The following PLAGL1 variants were observed in gnomAD, a reference collection of about 807,000 sequenced individuals.
PLAGL1 encodes the protein PLAG1 like zinc finger 1.
Under a neutral mutation model 4.6 loss-of-function variants are expected in PLAGL1, and 1 was observed. The ratio of observed to expected loss-of-function variants is 0.22; its 90% CI spans 0.08 to 1.03. The LOEUF is 1.03. Among genes scored for constraint, PLAGL1 ranks in the 50% least tolerant of loss-of-function variants. The pLI is 0.58. For missense variants in PLAGL1, 464 were observed against 570.4 expected, an observed-to-expected ratio of 0.81 and a Z score of 1.90; for synonymous variants, 240 against 237.8, an observed-to-expected ratio of 1.01 and a Z score of -0.08.
At position 143,982,149 on chromosome 6, in the gene PLAGL1, C is replaced by T. The variant is rs1788095747; in HGVS notation, c.-544+2986G>A. 6.6e-6 allele frequency among the ~76,000 whole-genome samples: 1 copy of T among 151,630 alleles called. No homozygotes were observed. On this transcript the variant is annotated intron_variant, in intron 2 of 7. Transcript: ENST00000674357. This position sits in a 1 kb window ranked among gnomAD's most constrained non-coding sequence, Gnocchi z 5.3. ...AACAAAGCTCAAGTAAAATATGTAT[C>T]AGATGGTGATTTTAAAAAAAAAAGT...
At chr6:143,988,912 T>C (rs1224660528) in intron 1 of PLAGL1, among the ~76,000 whole-genome samples, 1 of 152,208 alleles carries the variant, frequency 6.6e-6, no homozygotes, top group African/African-American at 2.4e-5. Context: ...GATTAGGGTT[T>C]CAACACATGG....
intron 1 of PLAGL1, among the ~76,000 whole-genome samples, chr6:144,018,735 A>C (rs1034787646): frequency 6.6e-6 from 1 of 152,250 alleles, no homozygotes; most frequent in East Asian, 1.9e-4. Flanking sequence ...AAAAGTTAAT[A>C]TCACCAGTAA....
Position 143,942,562 on chromosome 6 carries a change from T to G in PLAGL1, c.254A>C (p.Asp85Ala). The G allele has an allele frequency of 6.2e-7, 1 of 1,614,074 alleles. No individual in the cohort carries two copies. The highest frequency in any genetic ancestry group is 8.5e-7 in the Non-Finnish European group (1 of 1,180,008). The change falls in exon 8 of 8, where the codon GAC (aspartate) becomes GCC (alanine). Residue 85 changes from aspartate (D) to alanine (A), a missense_variant. Asp to Ala is a moderately radical substitution (Grantham distance 126). Transcript: ENST00000674357. The surrounding 1 kb of genome is among the most constrained non-coding windows in gnomAD (Gnocchi z 7.6). Reference protein sequence around the residue: ...DHLKNHLQTHDPNKMAFGCEE... With the variant: ...DHLKNHLQTHAPNKMAFGCEE... Reference sequence around the variant, plus strand: ...ACACCCAAAGGCCATTTTGTTGGGGTCGTGGGTCTGGAGGTGGTTTTTCAG... The same window carrying G: ...ACACCCAAAGGCCATTTTGTTGGGGGCGTGGGTCTGGAGGTGGTTTTTCAG...
Position 143,989,463 on chromosome 6 carries a change from G to A in PLAGL1, c.-583-4289C>T, listed in dbSNP as rs1433347396. On this transcript the variant is annotated intron_variant, in intron 1 of 7. Transcript: ENST00000674357. This position sits in a 1 kb window ranked among gnomAD's most constrained non-coding sequence, Gnocchi z 4.8. ...GAGGGCCCGAATAGAACAAAAAGGT[G>A]GAAGGAGGAGGAATTCACCCCCTTT... is the stretch of plus-strand genomic sequence containing the variant. 1.3e-5 allele frequency among the ~76,000 whole-genome samples: 2 copies of A among 152,150 alleles called. No homozygotes were observed. The highest frequency in any genetic ancestry group is 1.3e-4 in the Admixed American group (2 of 15,270).
intron 1 of PLAGL1, among the ~76,000 whole-genome samples, chr6:144,014,537 A>G (rs1354873670): frequency 2.6e-5 from 4 of 152,150 alleles, no homozygotes; most frequent in African/African-American, 7.2e-5. Flanking sequence ...ACAATAGTGT[A>G]TTGAGTCCAG....
intron 1 of PLAGL1, among the ~76,000 whole-genome samples, chr6:144,014,114 A>C: frequency 6.6e-6 from 1 of 152,166 alleles, no homozygotes; most frequent in East Asian, 1.9e-4. Flanking sequence ...TTTTACGCCT[A>C]CTATAAGGCT....
At chr6:144,001,411 A>C (rs1274436978) in intron 1 of PLAGL1, among the ~76,000 whole-genome samples, 1 of 152,184 alleles carries the variant, frequency 6.6e-6, no homozygotes, top group African/African-American at 2.4e-5. Context: ...TCTATTAATA[A>C]ATGTAGAAAG....
At chr6:143,951,524 AAAAT>A (rs1257434626) in intron 6 of PLAGL1, among the ~76,000 whole-genome samples, 7 of 152,256 alleles carry the variant, frequency 4.6e-5, no homozygotes, top group African/African-American at 1.7e-4. Flanking sequence ...TACAAAGAAA[AAAAT>A]AAAGCTTATT....
In PLAGL1 at chr6:143,963,888, T is replaced by G. The variant is rs1783893100; in HGVS notation, c.-399+899A>C. The stretch of plus-strand genomic sequence containing the variant: ...ATTCCCAATGATTCTCCTTTCTAGC[T>G]CATTTAAAACAGGTGGCAGGCTTTG... On this transcript the variant is annotated intron_variant, in intron 5 of 7. Coordinates refer to ENST00000674357, the MANE Select transcript of PLAGL1 (RefSeq NM_001317162.2). This position sits in a 1 kb window ranked among gnomAD's most constrained non-coding sequence, Gnocchi z 6.1. Among the ~76,000 whole-genome samples, 1 of 152,206 alleles carries G rather than the reference T, an allele frequency of 6.6e-6. No individual in the cohort carries two copies. The highest frequency in any genetic ancestry group is 1.5e-5 in the Non-Finnish European group (1 of 68,040).
At position 143,941,539 on chromosome 6, in the gene PLAGL1, G is replaced by A; in HGVS notation, c.1277C>T (p.Pro426Leu). The A allele has an allele frequency of 6.4e-7, 1 of 1,564,148 alleles. No homozygotes were observed. The change falls in exon 8 of 8, where the codon CCA (proline) becomes CTA (leucine). Residue 426 changes from proline (P) to leucine (L), a missense_variant. This residue lies in a region of PLAGL1 where 248 missense variants were observed against 250.1 expected (regional missense o/e 0.99). Coordinates refer to ENST00000674357, the MANE Select transcript of PLAGL1 (RefSeq NM_001317162.2). This position sits in a 1 kb window ranked among gnomAD's most constrained non-coding sequence, Gnocchi z 6.0. ...SCLGQQQQEP[P>L]LAMGTVSLGQ... ...CAGGCTCACAGTGCCCATGGCAAGT[G>A]GGGGTTCTTGCTGCTGCTGCCCCAG...
rs1788511714 is a variant in PLAGL1 at position 143,984,039 on chromosome 6, T to G, written c.-544+1096A>C. ...TGAATCTTCAAGGAATAAGGAACAA[T>G]GATGTATTTTTACTTTCCAGATTTT... On this transcript the variant is annotated intron_variant, in intron 2 of 7. Transcript: ENST00000674357. This position sits in a 1 kb window ranked among gnomAD's most constrained non-coding sequence, Gnocchi z 5.5. 1.3e-5 allele frequency among the ~76,000 whole-genome samples: 2 copies of G among 152,102 alleles called. No homozygotes were observed. Among genetic ancestry groups the G allele is most frequent in the Admixed American group, 6.6e-5 (1 of 15,256 alleles).
intron 3 of PLAGL1, chr6:143,967,326 G>A (rs1784598338): frequency 6.6e-6 from 1 of 152,078 alleles, no homozygotes; most frequent in South Asian, 2.1e-4. Context: ...TTACACGATG[G>A]GTAAGCTCAC....
chr6:144,030,254 CAAAAAAAAAAAAAAAAAA>C (rs66563676), intron 1 of PLAGL1, among the ~76,000 whole-genome samples: 1 of 44,560 alleles, frequency 2.2e-5, no homozygotes, highest in African/African-American at 8.0e-5. Context: ...GACTCCGTCT[CAAAAAAAAAAAAAAAAAA>C]AAAAAAAAAA....
Position 144,007,619 on chromosome 6 carries a change from T to C in PLAGL1, c.-584+471A>G, listed in dbSNP as rs966029932. 4.6e-5 allele frequency: 7 copies of C among 152,368 alleles called. No homozygotes were observed. The South Asian group carries it at 1.4e-3, about 32-fold the overall frequency. 9.4% of individuals were successfully genotyped at this position (152,368 alleles called of 1,614,324 possible). On this transcript the variant is annotated intron_variant, in intron 1 of 7. Transcript: ENST00000674357. ...GGAAATTTTTAGGACCCCACGTTTTTAAATACTTTTAAGAGTATGTCTGAT... is the reference window on the plus strand; with the variant it reads ...GGAAATTTTTAGGACCCCACGTTTTCAAATACTTTTAAGAGTATGTCTGAT...
rs1028781126 is a variant in PLAGL1 at position 144,036,053 on chromosome 6, G to A, written c.-151+28415C>T. Reference sequence around the variant, plus strand: ...GTGGCTTAGCCTGGAAACCCTCAATGCAGGACTCCAACCCCAAGAAAGTGC... The same window carrying A: ...GTGGCTTAGCCTGGAAACCCTCAATACAGGACTCCAACCCCAAGAAAGTGC... On this transcript the variant is annotated intron_variant, in intron 1 of 3. Coordinates refer to the PLAGL1 transcript ENST00000437412. The surrounding 1 kb of genome is among the most constrained non-coding windows in gnomAD (Gnocchi z 5.1). Among the ~76,000 whole-genome samples, 11 of 152,104 alleles carry A rather than the reference G, an allele frequency of 7.2e-5. No individual in the cohort carries two copies. The highest frequency in any genetic ancestry group is 1.5e-4 in the Non-Finnish European group (10 of 68,016).
rs187307162 is a variant in PLAGL1, at chr6:143,953,565, T to C, written c.-324-5105A>G. 6.6e-6 allele frequency among the ~76,000 whole-genome samples: 1 copy of C among 152,338 alleles called. No homozygotes were observed. The highest frequency in any genetic ancestry group is 6.5e-5 in the Admixed American group (1 of 15,306). ...GGGTGTGTTCTGTTTACAAATAGTG[T>C]AATATTTGGTTAAAGATGGCCAACT... On this transcript the variant is annotated intron_variant, in intron 6 of 7. Transcript: ENST00000674357. The surrounding 1 kb of genome is among the most constrained non-coding windows in gnomAD (Gnocchi z 5.3).
At chr6:144,014,646 C>T (rs1230959914) in intron 1 of PLAGL1, among the ~76,000 whole-genome samples, 1 of 152,062 alleles carries the variant, frequency 6.6e-6, no homozygotes, top group Non-Finnish European at 1.5e-5. Flanking sequence ...GTGACATGAT[C>T]TCGGCTCACT....
Position 144,004,802 on chromosome 6 carries a change from T to C in PLAGL1, c.-584+3288A>G, listed in dbSNP as rs1461313171. The C allele has an allele frequency of 6.6e-6, 1 of 151,798 alleles. No individual in the cohort carries two copies. The highest frequency in any genetic ancestry group is 1.5e-5 in the Non-Finnish European group (1 of 67,934). The allele number at this position is 151,798 out of a possible 1,614,324, so 9.4% of individuals were successfully genotyped here. A position where few individuals can be genotyped will look rare whatever the true frequency, so the allele number is the denominator to read the frequency against. The stretch of plus-strand genomic sequence containing the variant: ...AATCTACCTTAAAAGATGTGGGTGA[T>C]AGAGTGAGGAAGTCTAACAGAAGTC... On this transcript the variant is annotated intron_variant, in intron 1 of 7. Transcript: ENST00000674357. The surrounding 1 kb of genome is among the most constrained non-coding windows in gnomAD (Gnocchi z 4.2).
Position 144,027,287 on chromosome 6 carries a change from G to C in PLAGL1, c.-151+37181C>G, listed in dbSNP as rs974223141. 8.2e-6 allele frequency among the ~76,000 whole-genome samples: 1 copy of C among 122,528 alleles called. No individual in the cohort carries two copies. Among genetic ancestry groups the C allele is most frequent in the Admixed American group, 9.6e-5 (1 of 10,440 alleles). The allele number at this position is 122,528 out of a possible 152,430, so 80.4% of individuals were successfully genotyped here. On this transcript the variant is annotated intron_variant, in intron 1 of 3. Coordinates refer to the PLAGL1 transcript ENST00000437412. This position sits in a 1 kb window ranked among gnomAD's most constrained non-coding sequence, Gnocchi z 5.8. ...AGAAAGAAAGAAAGAAAGAAAGAAA[G>C]AAAGAAAGTTATTTGATCTGAAGTA...
Sources: gnomAD v4.1 joint callset for allele counts (sites outside exome capture counted in the v4.1 genomes callset) on GRCh38, gnomAD v4.1.1 for gene constraint, gnomAD v4.1.1 regional missense constraint, Gnocchi (gnomAD v3.1) non-coding constraint, MANE v1.5 for transcripts, NCBI Gene and HGNC (gene_info 2026-07-23, HGNC 2026-07-21) for gene names.